PAFAH1B1: variants seen among roughly 807,000 people sequenced by gnomAD.
PAFAH1B1 encodes the protein platelet activating factor acetylhydrolase 1b regulatory subunit 1, also known as platelet-activating factor acetylhydrolase IB subunit beta.
PAFAH1B1 carries 2 observed loss-of-function variants against 57.5 expected under a neutral mutation model. That is an observed-to-expected ratio of 0.03 (90% CI 0.01 to 0.11). The LOEUF is 0.11. Ranked by LOEUF, PAFAH1B1 falls within the 10% of genes least tolerant of loss-of-function variation. PAFAH1B1 has a pLI of 1.00. For synonymous variants in PAFAH1B1, 152 were observed against 169.6 expected (o/e 0.90, Z 0.81); for missense variants, 257 against 512.0 (o/e 0.50, Z 4.81).
chr17:2,625,011 T>A (rs2068470980), intron 1 of PAFAH1B1, among the ~76,000 whole-genome samples: 1 of 150,750 alleles, frequency 6.6e-6, no homozygotes, highest in Admixed American at 6.6e-5. Context: ...CATATAATTA[T>A]TTATACTTTC....
chr17:2,643,498 C>T (rs1287961819), intron 2 of PAFAH1B1, among the ~76,000 whole-genome samples: 1 of 151,746 alleles, frequency 6.6e-6, no homozygotes, highest in East Asian at 1.9e-4. Flanking sequence ...TCAGGTGATG[C>T]TTGCACCTAG....
chr17:2,630,968 G>A (rs773676165), intron 1 of PAFAH1B1, among the ~76,000 whole-genome samples: 16 of 152,178 alleles, frequency 1.1e-4, no homozygotes, highest in African/African-American at 3.1e-4. Flanking sequence ...AAGGCTGGGC[G>A]CGGTGGCCCA....
At chr17:2,606,530 T>C (rs1286677511) in intron 1 of PAFAH1B1, among the ~76,000 whole-genome samples, 1 of 151,822 alleles carries the variant, frequency 6.6e-6, no homozygotes, top group African/African-American at 2.4e-5. Context: ...GCCAAGCTAA[T>C]TTTTGTATTT....
At chr17:2,655,440 G>A (rs577118296) in intron 2 of PAFAH1B1, among the ~76,000 whole-genome samples, 8 of 152,096 alleles carry the variant, frequency 5.3e-5, no homozygotes, top group East Asian at 1.9e-4. Context: ...TTGGGAGGCC[G>A]AAGCAGGTGG....
rs1233612015 is a variant in PAFAH1B1, at chr17:2,593,869, C to G, written c.-328C>G. The G allele has an allele frequency of 1.4e-5, 2 of 145,072 alleles. No homozygotes were observed. Among genetic ancestry groups the G allele is most frequent in the Non-Finnish European group, 3.0e-5 (2 of 67,332 alleles). The allele number at this position is 145,072 out of a possible 1,614,324, so 9.0% of individuals were successfully genotyped here. A position where few individuals can be genotyped will look rare whatever the true frequency, so the allele number is the denominator to read the frequency against. On this transcript the variant is annotated 5_prime_UTR_variant, in exon 1 of 11. Coordinates refer to ENST00000397195, the MANE Select transcript of PAFAH1B1 (RefSeq NM_000430.4). ...CTCCCCTCCCCTCCCCCTCCCCGGGCCCGGGCCCAGCGCGCCATCCTCCCC... is the reference window on the plus strand; with the variant it reads ...CTCCCCTCCCCTCCCCCTCCCCGGGGCCGGGCCCAGCGCGCCATCCTCCCC...
intron 1 of PAFAH1B1, among the ~76,000 whole-genome samples, chr17:2,619,872 T>C (rs2068395865): frequency 6.6e-6 from 1 of 152,170 alleles, no homozygotes; most frequent in African/African-American, 2.4e-5. Context: ...CTCAAATTCC[T>C]GGGCCCAGAT....
chr17:2,638,413 A>T (rs2068651355), intron 2 of PAFAH1B1, 93 bp downstream of exon 2: 1 of 991,342 alleles, frequency 1.0e-6, no homozygotes, highest in Non-Finnish European at 1.6e-6. Context: ...CTCTTCTAAG[A>T]TTAAAACTAT....
intron 1 of PAFAH1B1, among the ~76,000 whole-genome samples, chr17:2,628,691 G>A (rs531575821): frequency 6.6e-6 from 1 of 152,106 alleles, no homozygotes; most frequent in Non-Finnish European, 1.5e-5. Context: ...ATGTCTGATA[G>A]AATTCTGCTG....
At chr17:2,672,870 C>T (rs1428979677) in intron 7 of PAFAH1B1, 113 bp downstream of exon 7, 5 of 718,392 alleles carry the variant, frequency 7.0e-6, no homozygotes, top group Non-Finnish European at 1.3e-5. Context: ...GAATTGAAGA[C>T]CAGCCTGGCC....
intron 1 of PAFAH1B1, chr17:2,613,276 A>G (rs1241093113): frequency 1.1e-5 from 2 of 188,206 alleles, no homozygotes; most frequent in South Asian, 1.5e-4. Flanking sequence ...ACCCCTGGCC[A>G]CTTCAGCACA....
chr17:2,603,951 T>C (rs2068174694), intron 1 of PAFAH1B1, among the ~76,000 whole-genome samples: 1 of 152,180 alleles, frequency 6.6e-6, no homozygotes, highest in Admixed American at 6.5e-5. Context: ...TTGGTCAGAC[T>C]GGTCTCAAAC....
intron 1 of PAFAH1B1, among the ~76,000 whole-genome samples, 153 bp downstream of exon 1, chr17:2,594,159 T>A (rs2151604020): frequency 6.6e-6 from 1 of 152,104 alleles, no homozygotes; most frequent in Admixed American, 6.5e-5. Flanking sequence ...TCCTCCTTCT[T>A]CTTCTCTCCT....
intron 2 of PAFAH1B1, among the ~76,000 whole-genome samples, chr17:2,653,955 C>T (rs1280943330): frequency 1.3e-5 from 2 of 151,662 alleles, no homozygotes; most frequent in African/African-American, 4.9e-5. Context: ...ATTACAGGCG[C>T]GTGCCACCAT....
At chr17:2,651,413 C>CA (rs1157501996) in intron 2 of PAFAH1B1, among the ~76,000 whole-genome samples, 2,621 of 53,278 alleles carry the variant, frequency 0.049, 54 homozygotes, top group Middle Eastern at 0.083. Flanking sequence ...CCCGTCTCTA[C>CA]AAAAAAAAAA....
intron 1 of PAFAH1B1, among the ~76,000 whole-genome samples, chr17:2,599,866 A>G (rs2068120237): frequency 6.6e-6 from 1 of 152,188 alleles, no homozygotes; most frequent in Non-Finnish European, 1.5e-5. Context: ...TTACAAAAGT[A>G]AAATTAAGAA....
chr17:2,673,937 T>C (rs1032910073), intron 7 of PAFAH1B1, 123 bp from the exon 8 acceptor site: 8 of 705,596 alleles, frequency 1.1e-5, no homozygotes, highest in Admixed American at 2.1e-5. Context: ...GTACATTTAT[T>C]CTGTCGACTT....
intron 1 of PAFAH1B1, among the ~76,000 whole-genome samples, chr17:2,623,377 G>A (rs1278419482): frequency 1.4e-5 from 2 of 143,206 alleles, no homozygotes; most frequent in African/African-American, 5.2e-5. Flanking sequence ...TCTTGACTCA[G>A]CCTCCCGAGT....
At chr17:2,654,485 A>G (rs2068910614) in intron 2 of PAFAH1B1, among the ~76,000 whole-genome samples, 4 of 151,924 alleles carry the variant, frequency 2.6e-5, no homozygotes, top group Admixed American at 2.6e-4. Context: ...TGTCTTTTCA[A>G]CTTTAAAAGT....
At position 2,674,204 on chromosome 17, in the gene PAFAH1B1, C is replaced by G. The variant is rs1351776471; in HGVS notation, c.816C>G (p.Leu272=). The part of the protein sequence containing the change: ...VVATKECKAE[L]REHEHVVECI... ...CAACAAAGGAATGCAAGGCTGAGCT[C>G]CGAGAGCATGAGCATGTGGTAGAAT... Residue 272 remains leucine, a synonymous_variant, in exon 8 of 11, where the codon CTC becomes CTG. Transcript: ENST00000397195. The G allele has an allele frequency of 1.2e-6, 2 of 1,614,080 alleles. No individual in the cohort carries two copies. The highest frequency in any genetic ancestry group is 1.7e-6 in the Non-Finnish European group (2 of 1,179,976).
Sources: allele counts gnomAD v4.1 joint callset (sites outside exome capture counted in the v4.1 genomes callset), GRCh38; gene constraint gnomAD v4.1.1; transcripts MANE v1.5; gene names NCBI Gene and HGNC (gene_info 2026-07-23, HGNC 2026-07-21).